Variants in SATL1 observed in about 807,000 individuals in gnomAD.
SATL1 encodes the protein spermidine/spermine N1-acetyl transferase like 1, also known as spermidine/spermine N(1)-acetyltransferase-like protein 1.
In SATL1, 47 loss-of-function variants were observed where a neutral mutation model predicts 51.8. The observed-to-expected ratio is 0.91, with a 90% CI of 0.72 to 1.16. The LOEUF (loss-of-function observed/expected upper bound fraction) is 1.16, where lower values mean the gene tolerates loss of function less well. Among genes scored for constraint, SATL1 ranks in the 50% most tolerant of loss-of-function variants. SATL1 has a pLI of 0.00. For synonymous variants in SATL1, 176 were observed against 182.4 expected, an observed-to-expected ratio of 0.97 and a Z score of 0.28; for missense variants, 520 against 526.4, an observed-to-expected ratio of 0.99 and a Z score of 0.12.
rs1278442368 is a variant in SATL1, at chrX:85,224,276, T to C, written c.-384A>G. ...ACCACTGTGATCTCTGCCTCCCTTT[T>C]CACATCATCTTCTCCTCTGTGTGTG... On this transcript the variant is annotated 5_prime_UTR_variant, in exon 2 of 8. The change abolishes the stop of an existing upstream ORF in the 5' untranslated region. Coordinates refer to ENST00000644105, the MANE Select transcript of SATL1 (RefSeq NM_001367857.2). The C allele has an allele frequency of 9.4e-6, 1 of 106,873 alleles. No homozygotes were observed. Among genetic ancestry groups the C allele is most frequent in the Non-Finnish European group, 2.0e-5 (1 of 51,159 alleles). The allele number at this position is 106,873 out of a possible 1,213,427, so 8.8% of individuals were successfully genotyped here.
At chrX:85,237,540 C>A (rs1207640361) in intron 1 of SATL1, among the ~76,000 whole-genome samples, 1 of 111,208 alleles carries the variant, frequency 9.0e-6, no homozygotes, top group Non-Finnish European at 1.9e-5. Flanking sequence ...GATCCCTATT[C>A]CTCACCATAT....
intron 2 of SATL1, among the ~76,000 whole-genome samples, chrX:85,183,373 T>C (rs932008290): frequency 6.4e-5 from 7 of 109,975 alleles, no homozygotes; most frequent in Non-Finnish European, 1.3e-4. Flanking sequence ...CAAAAATCAG[T>C]TGGTTGTAGA....
chrX:85,116,682 A>G (rs1249080645), intron 2 of SATL1, among the ~76,000 whole-genome samples: 1 of 111,279 alleles, frequency 9.0e-6, no homozygotes, highest in Non-Finnish European at 1.9e-5. Flanking sequence ...AGAAACAGTT[A>G]ACAACCAACT....
intron 2 of SATL1, among the ~76,000 whole-genome samples, chrX:85,181,097 ATGTGTG>A (rs56714701): frequency 1.9e-5 from 2 of 102,673 alleles, no homozygotes; most frequent in African/African-American, 7.1e-5. Context: ...GCTGAATGTA[ATGTGTG>A]TGTGTGTGTG....
At chrX:85,220,933 C>T (rs924980493) in intron 2 of SATL1, among the ~76,000 whole-genome samples, 4 of 111,217 alleles carry the variant, frequency 3.6e-5, no homozygotes, top group Non-Finnish European at 7.5e-5. Context: ...CATTCTGACA[C>T]TATCATCGTC....
At chrX:85,179,652 CAT>C (rs1174197339) in intron 2 of SATL1, among the ~76,000 whole-genome samples, 1 of 111,326 alleles carries the variant, frequency 9.0e-6, no homozygotes, top group Non-Finnish European at 1.9e-5. Context: ...GAAGAACTAA[CAT>C]ATATTGAGCA....
In SATL1 at chrX:85,098,939, A is replaced by G. The variant is rs1924812405; in HGVS notation, c.1694-3943T>C. ...GCCCAGAGCTTGCAGAAGTAAGGTA[A>G]TAATAAAAATTGGATAGAGATAAAA... On this transcript the variant is annotated intron_variant, in intron 4 of 7. Transcript: ENST00000644105. Among the ~76,000 whole-genome samples the G allele has an allele frequency of 2.7e-5, 3 of 111,627 alleles. No homozygotes were observed. In the South Asian group the frequency reaches 1.1e-3, roughly 42 times the overall value.
chrX:85,121,911 T>A (rs2147701335), intron 2 of SATL1, among the ~76,000 whole-genome samples: 1 of 110,358 alleles, frequency 9.1e-6, no homozygotes, highest in African/African-American at 3.3e-5. Context: ...ATGCTGGATA[T>A]GTTAATTAGC....
intron 2 of SATL1, among the ~76,000 whole-genome samples, chrX:85,164,288 G>T (rs1012977931): frequency 1.8e-5 from 2 of 111,228 alleles, no homozygotes; most frequent in African/African-American, 6.5e-5. Flanking sequence ...GCTAGTTGTT[G>T]CCTGATTACC....
At chrX:85,235,987 A>G (rs1396173611) in intron 1 of SATL1, among the ~76,000 whole-genome samples, 1 of 111,541 alleles carries the variant, frequency 9.0e-6, no homozygotes, top group African/African-American at 3.2e-5. Context: ...ATAAAATTAT[A>G]GAGATGAAAA....
At chrX:85,092,768 A>C (rs1030418698) in intron 7 of SATL1, 1 of 379,885 alleles carries the variant, frequency 2.6e-6, no homozygotes, top group African/African-American at 2.5e-5. Flanking sequence ...TTAAAATCTC[A>C]AAACTGATTT....
At chrX:85,242,580 A>C (rs1260131423) in intron 1 of SATL1, among the ~76,000 whole-genome samples, 1 of 112,432 alleles carries the variant, frequency 8.9e-6, no homozygotes, top group Non-Finnish European at 1.9e-5. Flanking sequence ...ATGCTCACTT[A>C]TCTCTCCCTG....
intron 2 of SATL1, among the ~76,000 whole-genome samples, chrX:85,159,737 G>A (rs1926673906): frequency 9.0e-6 from 1 of 111,045 alleles, no homozygotes; most frequent in African/African-American, 3.3e-5. Flanking sequence ...TTGCTGGAGG[G>A]TCCCCCTGAC....
chrX:85,121,300 A>ATGTATATATAAATATATG (rs998843385), intron 2 of SATL1, among the ~76,000 whole-genome samples: 1 of 105,401 alleles, frequency 9.5e-6, no homozygotes, highest in Non-Finnish European at 1.9e-5. Flanking sequence ...AGAGAATAAT[A>ATGTATATATAAATATATG]TGTATATATA....
At chrX:85,148,631 A>G (rs1246993715) in intron 2 of SATL1, among the ~76,000 whole-genome samples, 1 of 111,993 alleles carries the variant, frequency 8.9e-6, no homozygotes, top group African/African-American at 3.2e-5. Context: ...CAAAAACTCT[A>G]CAAGCCAGAA....
intron 1 of SATL1, among the ~76,000 whole-genome samples, chrX:85,233,956 C>A (rs1024243030): frequency 1.8e-5 from 2 of 110,886 alleles, no homozygotes; most frequent in African/African-American, 6.6e-5. Context: ...TTATAAAACA[C>A]CAAGCAAATG....
At chrX:85,145,982 C>T (rs900781862) in intron 2 of SATL1, among the ~76,000 whole-genome samples, 14 of 108,939 alleles carry the variant, frequency 1.3e-4, no homozygotes, top group Admixed American at 2.9e-4. Context: ...CTGCAAGCTC[C>T]GCCTCCCGGG....
chrX:85,157,214 C>T (rs1220045747), intron 2 of SATL1, among the ~76,000 whole-genome samples: 2 of 109,926 alleles, frequency 1.8e-5, no homozygotes, highest in Non-Finnish European at 3.8e-5. Context: ...CAGTTAAATG[C>T]TGAAACTCAT....
chrX:85,202,420 T>C (rs780929969), intron 2 of SATL1, among the ~76,000 whole-genome samples: 3 of 111,828 alleles, frequency 2.7e-5, no homozygotes, highest in Non-Finnish European at 5.6e-5. Context: ...ATGGCTTCCC[T>C]GTGTTTCCTC....
Sources: allele counts gnomAD v4.1 joint callset (sites outside exome capture counted in the v4.1 genomes callset), GRCh38; gene constraint gnomAD v4.1.1; transcripts MANE v1.5; gene names NCBI Gene and HGNC (gene_info 2026-07-23, HGNC 2026-07-21).